The following PCDH9 variants were observed in gnomAD, a reference collection of about 807,000 sequenced individuals.
PCDH9 encodes the protein protocadherin 9, also known as protocadherin-9.
In PCDH9, 24 loss-of-function variants were observed where a neutral mutation model predicts 70.6. That is an observed-to-expected ratio of 0.34 (90% confidence interval 0.25 to 0.48). PCDH9 has a LOEUF of 0.48. Ranked by LOEUF, PCDH9 falls within the 20% of genes least tolerant of loss-of-function variation. PCDH9 has a pLI of 0.99. For missense variants in PCDH9, 1,281 were observed against 1,503.6 expected, an observed-to-expected ratio of 0.85 and a Z score of 2.45; for synonymous variants, 562 against 558.5, an observed-to-expected ratio of 1.01 and a Z score of -0.09.
intron 3 of PCDH9, among the ~76,000 whole-genome samples, chr13:66,746,904 C>T (rs1005109458): frequency 6.6e-6 from 1 of 151,992 alleles, no homozygotes; most frequent in Non-Finnish European, 1.5e-5. Flanking sequence ...TGTGAGACTA[C>T]TAAATGTGAA....
At chr13:66,666,293 A>C (rs1014002222) in intron 3 of PCDH9, among the ~76,000 whole-genome samples, 1 of 152,184 alleles carries the variant, frequency 6.6e-6, no homozygotes, top group Non-Finnish European at 1.5e-5. Context: ...TCCATGGTGC[A>C]CAGGCAGCAA....
At position 66,941,256 on chromosome 13, in the gene PCDH9, A is replaced by T. The variant is rs183955908; in HGVS notation, c.3037-37651T>A. Among the ~76,000 whole-genome samples the T allele has an allele frequency of 8.0e-4, 121 of 151,664 alleles. 1 individual carries two copies. The highest frequency in any genetic ancestry group is 3.7e-3 in the South Asian group (18 of 4,824). On this transcript the variant is annotated intron_variant, in intron 2 of 4. Transcript: ENST00000377865. ...ACCCTAAAGCAACCAATAAAAATTT[A>T]AAAAAAATGAAATATATGGGTAATA...
At chr13:66,597,529 G>A (rs2077118054) in intron 4 of PCDH9, among the ~76,000 whole-genome samples, 1 of 151,652 alleles carries the variant, frequency 6.6e-6, no homozygotes, top group Non-Finnish European at 1.5e-5. Context: ...ACATCCACAT[G>A]CAAAAGAATG....
At chr13:66,905,789 G>A (rs1040571640) in intron 2 of PCDH9, among the ~76,000 whole-genome samples, 1 of 152,058 alleles carries the variant, frequency 6.6e-6, no homozygotes, top group African/African-American at 2.4e-5. Flanking sequence ...CTGTAGACTG[G>A]TAGAAAACAT....
intron 4 of PCDH9, among the ~76,000 whole-genome samples, chr13:66,313,812 G>C (rs1415618580): frequency 2.0e-5 from 3 of 152,142 alleles, no homozygotes; most frequent in Non-Finnish European, 2.9e-5. Flanking sequence ...AGGTGGTAGA[G>C]ACTTGCCCCA....
At chr13:67,027,128 C>T (rs1168254838) in intron 2 of PCDH9, among the ~76,000 whole-genome samples, 1 of 151,970 alleles carries the variant, frequency 6.6e-6, no homozygotes, top group Non-Finnish European at 1.5e-5. Flanking sequence ...GCCAAAAGAA[C>T]AAAGCTGGAG....
At chr13:66,830,830 G>A (rs930779661) in intron 3 of PCDH9, among the ~76,000 whole-genome samples, 1 of 152,112 alleles carries the variant, frequency 6.6e-6, no homozygotes, top group South Asian at 2.1e-4. Flanking sequence ...AGGAAAGAAT[G>A]AATTAAAGGT....
Position 66,469,342 on chromosome 13 carries a change from G to A in PCDH9, c.3340+161868C>T, listed in dbSNP as rs572036310. ...GATAACTTCAAGATACTTTAAAAAT[G>A]TATAGTCTGTCAATATTGATTCACA... is the stretch of plus-strand genomic sequence containing the variant. On this transcript the variant is annotated intron_variant, in intron 4 of 4. Coordinates refer to ENST00000377865, the MANE Select transcript of PCDH9 (RefSeq NM_203487.3). 4.6e-5 allele frequency among the ~76,000 whole-genome samples: 7 copies of A among 152,034 alleles called. No individual in the cohort carries two copies. In the East Asian group the frequency reaches 9.7e-4, roughly 21 times the overall value.
chr13:66,908,920 T>C (rs955169841), intron 2 of PCDH9, among the ~76,000 whole-genome samples: 1 of 152,154 alleles, frequency 6.6e-6, no homozygotes. Context: ...ATAAATGCAA[T>C]CATATCATAG....
chr13:66,447,733 T>G (rs1958124105), intron 4 of PCDH9, among the ~76,000 whole-genome samples: 2 of 152,138 alleles, frequency 1.3e-5, no homozygotes, highest in Non-Finnish European at 2.9e-5. Context: ...ATAATTGAAA[T>G]AAAGTGAGTG....
At chr13:66,871,949 A>C (rs1391179281) in intron 3 of PCDH9, among the ~76,000 whole-genome samples, 1 of 152,066 alleles carries the variant, frequency 6.6e-6, no homozygotes, top group Non-Finnish European at 1.5e-5. Flanking sequence ...ACCTTCTCCA[A>C]GCTCCACAGT....
chr13:67,018,479 C>T (rs933031795), intron 2 of PCDH9, among the ~76,000 whole-genome samples: 1 of 151,738 alleles, frequency 6.6e-6, no homozygotes, highest in Non-Finnish European at 1.5e-5. Context: ...ATTAGCTGGG[C>T]GTGGTGGCGT....
chr13:67,191,105 T>G (rs533185633), intron 2 of PCDH9, among the ~76,000 whole-genome samples: 1 of 152,104 alleles, frequency 6.6e-6, no homozygotes, highest in Admixed American at 6.6e-5. Flanking sequence ...TCATGATGAA[T>G]GTCTTGAAGA....
chr13:66,774,136 C>T (rs1011113540), intron 3 of PCDH9, among the ~76,000 whole-genome samples: 5 of 152,138 alleles, frequency 3.3e-5, no homozygotes, highest in Non-Finnish European at 7.3e-5. Context: ...TATGTAGGAA[C>T]ATATTCATAA....
At chr13:66,824,185 A>T (rs2080767324) in intron 3 of PCDH9, among the ~76,000 whole-genome samples, 3 of 151,376 alleles carry the variant, frequency 2.0e-5, no homozygotes, top group Non-Finnish European at 4.4e-5. Context: ...ATTTAAATCT[A>T]TTTTAGAAAT....
intron 3 of PCDH9, among the ~76,000 whole-genome samples, chr13:66,720,272 A>G (rs2078924253): frequency 6.6e-6 from 1 of 150,784 alleles, no homozygotes; most frequent in African/African-American, 2.4e-5. Flanking sequence ...CAGCCTCCTG[A>G]GTAGCTGGGT....
At chr13:66,901,114 A>T (rs926367342) in intron 3 of PCDH9, among the ~76,000 whole-genome samples, 76 of 151,476 alleles carry the variant, frequency 5.0e-4, no homozygotes, top group African/African-American at 1.2e-3. Context: ...AGAATGTTTT[A>T]AAAAAAACTC....
At chr13:67,001,380 G>A (rs2084241609) in intron 2 of PCDH9, among the ~76,000 whole-genome samples, 1 of 151,698 alleles carries the variant, frequency 6.6e-6, no homozygotes, top group South Asian at 2.1e-4. Flanking sequence ...TTGTAAAGGG[G>A]CAAGAATAGG....
At chr13:67,061,136 C>T (rs2085531510) in intron 2 of PCDH9, among the ~76,000 whole-genome samples, 1 of 151,924 alleles carries the variant, frequency 6.6e-6, no homozygotes, top group Non-Finnish European at 1.5e-5. Flanking sequence ...GCAGTAAAAA[C>T]AAAAACAAAA....
Sources: gnomAD v4.1 joint callset for allele counts (sites outside exome capture counted in the v4.1 genomes callset) on GRCh38, gnomAD v4.1.1 for gene constraint, MANE v1.5 for transcripts, NCBI Gene and HGNC (gene_info 2026-07-23, HGNC 2026-07-21) for gene names.